WDR37: variants seen among roughly 807,000 people sequenced by gnomAD.
WDR37 encodes the protein WD repeat-containing protein 37.
Under a neutral mutation model 62.9 loss-of-function variants are expected in WDR37, and 19 were observed. The ratio of observed to expected loss-of-function variants is 0.30; its 90% CI spans 0.21 to 0.44. The LOEUF is 0.44. Among genes scored for constraint, WDR37 ranks in the 20% least tolerant of loss-of-function variants. The pLI is 1.00. For synonymous variants in WDR37, 250 were observed against 260.9 expected, an observed-to-expected ratio of 0.96 and a Z score of 0.40; for missense variants, 474 against 657.6, an observed-to-expected ratio of 0.72 and a Z score of 3.05.
chr10:1,094,241 G>A (rs568341675), intron 8 of WDR37, among the ~76,000 whole-genome samples: 8 of 152,296 alleles, frequency 5.3e-5, no homozygotes, highest in Admixed American at 1.3e-4. Context: ...TAAAAGCAGC[G>A]GACAGTGCAC....
At chr10:1,062,455 A>C (rs574989767) in intron 1 of WDR37, among the ~76,000 whole-genome samples, 30 of 152,318 alleles carry the variant, frequency 2.0e-4, no homozygotes, top group Non-Finnish European at 3.4e-4. Flanking sequence ...TCTACAGATG[A>C]AGTTCTTAAG....
At position 1,130,074 on chromosome 10, in the gene WDR37, T is replaced by A. The variant is rs573103017; in HGVS notation, c.*730T>A. 6.5e-6 allele frequency: 1 copy of A among 152,784 alleles called. No homozygotes were observed. The highest frequency in any genetic ancestry group is 2.1e-4 in the South Asian group (1 of 4,826). The allele number at this position is 152,784 out of a possible 1,614,324, so 9.5% of individuals were successfully genotyped here. A position where few individuals can be genotyped will look rare whatever the true frequency, so the allele number is the denominator to read the frequency against. On this transcript the variant is annotated 3_prime_UTR_variant, in exon 14 of 14. Coordinates refer to ENST00000263150, the MANE Select transcript of WDR37 (RefSeq NM_014023.4). ...AAATATTAAGCAAAATGTAAAGCAC[T>A]TTAATTTATAGCTATGGTTATAAAC...
intron 7 of WDR37, among the ~76,000 whole-genome samples, chr10:1,091,269 T>C (rs1834379317): frequency 6.6e-6 from 1 of 152,188 alleles, no homozygotes; most frequent in Admixed American, 6.5e-5. Context: ...AAATTGATGA[T>C]TGATCTTACC....
At chr10:1,110,609 G>A (rs1030051783) in intron 11 of WDR37, among the ~76,000 whole-genome samples, 51 of 152,338 alleles carry the variant, frequency 3.3e-4, no homozygotes, top group Admixed American at 1.2e-3. Context: ...TCCGGGGTGC[G>A]GGTTTAGTTC....
At chr10:1,067,591 T>G (rs1214212106) in intron 1 of WDR37, among the ~76,000 whole-genome samples, 1 of 152,206 alleles carries the variant, frequency 6.6e-6, no homozygotes, top group Non-Finnish European at 1.5e-5. Flanking sequence ...CGAATAATAC[T>G]GTTAGAAAAT....
intron 3 of WDR37, among the ~76,000 whole-genome samples, chr10:1,078,999 G>C (rs11250252): frequency 0.083 from 12,638 of 152,120 alleles, 550 homozygotes; most frequent in African/African-American, 0.11. Context: ...TTTAAACTTT[G>C]CTTTTGGAAA....
intron 9 of WDR37, among the ~76,000 whole-genome samples, chr10:1,101,022 C>CGT (rs1834777740): frequency 6.6e-6 from 1 of 152,238 alleles, no homozygotes; most frequent in Non-Finnish European, 1.5e-5. Flanking sequence ...TTAGACCAAA[C>CGT]ACCTTTCCAC....
chr10:1,074,727 G>A (rs998190841), intron 2 of WDR37, among the ~76,000 whole-genome samples: 3 of 152,226 alleles, frequency 2.0e-5, no homozygotes, highest in African/African-American at 7.2e-5. Flanking sequence ...GTAGAGTGAC[G>A]CCCTTTCAGT....
intron 1 of WDR37, among the ~76,000 whole-genome samples, chr10:1,063,458 C>T (rs978433764): frequency 2.6e-5 from 4 of 152,196 alleles, no homozygotes; most frequent in African/African-American, 9.7e-5. Context: ...GGAAACCCTG[C>T]AGCACCACCC....
At chr10:1,127,108 A>G (rs1432368291) in intron 13 of WDR37, among the ~76,000 whole-genome samples, 2 of 152,240 alleles carry the variant, frequency 1.3e-5, no homozygotes, top group African/African-American at 4.8e-5. Context: ...ATTTCTGTGC[A>G]GCATGTAAAG....
At chr10:1,107,140 C>T (rs1473804735) in intron 11 of WDR37, among the ~76,000 whole-genome samples, 1 of 152,250 alleles carries the variant, frequency 6.6e-6, no homozygotes, top group African/African-American at 2.4e-5. Context: ...CCTGACCCCG[C>T]TGCAGGCCAG....
Position 1,103,947 on chromosome 10 carries a change from C to T in WDR37, c.961+111C>T. 9.5e-7 allele frequency: 1 copy of T among 1,052,624 alleles called. No homozygotes were observed. Among genetic ancestry groups the T allele is most frequent in the South Asian group, 1.6e-5 (1 of 62,462 alleles). 65.2% of individuals were successfully genotyped at this position (1,052,624 alleles called of 1,614,324 possible). ...CTTGACCAGAATGAGTCTCTGTGTT[C>T]TTGGCTCTTCTGTGGTAATTTTTGG... On this transcript the variant is annotated intron_variant, in intron 10 of 13. Transcript: ENST00000263150. The surrounding 1 kb of genome is among the most constrained non-coding windows in gnomAD (Gnocchi z 6.3).
Position 1,072,149 on chromosome 10 carries a change from A to G in WDR37, c.-7A>G. 6.2e-7 allele frequency: 1 copy of G among 1,614,050 alleles called. No homozygotes were observed. Among genetic ancestry groups the G allele is most frequent in the Non-Finnish European group, 8.5e-7 (1 of 1,179,954 alleles). ...AGGAGTGACCAGGACACTACCTCCT[A>G]GAAGTAATGCCCACAGAAAGCGCAA... On this transcript the variant is annotated 5_prime_UTR_variant, in exon 2 of 14. Transcript: ENST00000263150.
At chr10:1,069,389 A>ATATATTTTTTTTTTTTTTTTTTTT in intron 1 of WDR37, among the ~76,000 whole-genome samples, 1 of 95,806 alleles carries the variant, frequency 1.0e-5, no homozygotes, top group Non-Finnish European at 1.9e-5. Flanking sequence ...ATATATATAT[A>ATATATTTTTTTTTTTTTTTTTTTT]TTTTTTTTTT....
chr10:1,115,143 G>A (rs1006707792), intron 11 of WDR37, among the ~76,000 whole-genome samples: 2 of 151,694 alleles, frequency 1.3e-5, no homozygotes, highest in African/African-American at 2.4e-5. Flanking sequence ...GCCTTGTGCC[G>A]GGCTGGCAGT....
intron 1 of WDR37, among the ~76,000 whole-genome samples, chr10:1,071,270 A>G (rs1471480606): frequency 6.6e-6 from 1 of 152,126 alleles, no homozygotes; most frequent in Admixed American, 6.6e-5. Context: ...GCATTCTTTG[A>G]CAGTGAGGTG....
chr10:1,116,148 C>G (rs764960817), intron 11 of WDR37, among the ~76,000 whole-genome samples: 24 of 152,076 alleles, frequency 1.6e-4, no homozygotes, highest in Non-Finnish European at 3.1e-4. Flanking sequence ...GTCATCCACC[C>G]CGCCCCAGGT....
At position 1,129,683 on chromosome 10, in the gene WDR37, T is replaced by C; in HGVS notation, c.*339T>C. On this transcript the variant is annotated 3_prime_UTR_variant, in exon 14 of 14. Transcript: ENST00000263150. ...TGTGTGAATTAAATGTGAACTTCTG[T>C]ATTACGTTGCGGCGTCGGCAGTCCT... 2 of 189,172 alleles carry C rather than the reference T, an allele frequency of 1.1e-5. No individual in the cohort carries two copies. The highest frequency in any genetic ancestry group is 2.2e-5 in the Non-Finnish European group (2 of 90,700). 11.7% of individuals were successfully genotyped at this position (189,172 alleles called of 1,614,324 possible). A position where few individuals can be genotyped will look rare whatever the true frequency, so the allele number is the denominator to read the frequency against.
intron 13 of WDR37, among the ~76,000 whole-genome samples, chr10:1,127,786 A>C: frequency 6.6e-6 from 1 of 151,876 alleles, no homozygotes; most frequent in South Asian, 2.1e-4. Flanking sequence ...AGCGTCCTGG[A>C]GCACATCACG....
Sources: gnomAD v4.1 joint callset for allele counts (sites outside exome capture counted in the v4.1 genomes callset) on GRCh38, gnomAD v4.1.1 for gene constraint, Gnocchi (gnomAD v3.1) non-coding constraint, MANE v1.5 for transcripts, NCBI Gene and HGNC (gene_info 2026-07-23, HGNC 2026-07-21) for gene names.